Variants in JAZF1 observed in about 807,000 individuals in gnomAD.
JAZF1 encodes juxtaposed with another zinc finger protein 1.
In JAZF1, 8 loss-of-function variants were observed where a neutral mutation model predicts 26.4. The ratio of observed to expected loss-of-function variants is 0.30; its 90% CI spans 0.18 to 0.55. The LOEUF is 0.55. Ranked by LOEUF, JAZF1 falls within the 20% of genes least tolerant of loss-of-function variation. JAZF1 has a pLI of 0.94. For missense variants in JAZF1, 199 were observed against 322.0 expected (o/e 0.62, Z 2.92); for synonymous variants, 126 against 122.3 (o/e 1.03, Z -0.20).
intron 2 of JAZF1, among the ~76,000 whole-genome samples, chr7:27,935,954 T>G (rs1784758151): frequency 6.6e-6 from 1 of 152,170 alleles, no homozygotes; most frequent in Admixed American, 6.5e-5. Context: ...AGTGAGGTAC[T>G]TGGAGTGCCC....
chr7:28,032,799 C>T (rs1783213818), intron 1 of JAZF1, among the ~76,000 whole-genome samples: 1 of 152,106 alleles, frequency 6.6e-6, no homozygotes, highest in African/African-American at 2.4e-5. Flanking sequence ...AGGCCAGTGT[C>T]ATTACCACGT....
At chr7:28,018,167 C>G (rs1243249405) in intron 1 of JAZF1, among the ~76,000 whole-genome samples, 1 of 152,150 alleles carries the variant, frequency 6.6e-6, no homozygotes, top group Non-Finnish European at 1.5e-5. Flanking sequence ...AACGAGCCAG[C>G]GAGGCCAAGG....
At chr7:27,853,883 A>C (rs1241931330) in intron 3 of JAZF1, among the ~76,000 whole-genome samples, 1 of 152,248 alleles carries the variant, frequency 6.6e-6, no homozygotes, top group African/African-American at 2.4e-5. Context: ...GTAGATGTCT[A>C]TTAGGTCCAC....
chr7:28,154,877 T>C (rs1183421809), intron 1 of JAZF1, among the ~76,000 whole-genome samples: 1 of 151,242 alleles, frequency 6.6e-6, no homozygotes, highest in Non-Finnish European at 1.5e-5. Context: ...TGGCCTTTTC[T>C]CCTAAAAACA....
intron 2 of JAZF1, among the ~76,000 whole-genome samples, chr7:27,908,581 AC>A (rs1784303753): frequency 6.6e-6 from 1 of 152,196 alleles, no homozygotes; most frequent in Non-Finnish European, 1.5e-5. Context: ...AACTGAGCAG[AC>A]CAAACCAGAA....
At chr7:28,011,104 C>A (rs1386767804) in intron 1 of JAZF1, among the ~76,000 whole-genome samples, 1 of 152,026 alleles carries the variant, frequency 6.6e-6, no homozygotes, top group Non-Finnish European at 1.5e-5. Flanking sequence ...ATTGCCGCAA[C>A]CCAAGAAAAT....
intron 1 of JAZF1, among the ~76,000 whole-genome samples, chr7:28,066,588 G>C (rs1005108568): frequency 7.4e-6 from 1 of 135,278 alleles, no homozygotes; most frequent in South Asian, 2.4e-4. Flanking sequence ...GGGCGACAGA[G>C]CGAGACTCCA....
chr7:28,106,797 G>A (rs982074608), intron 1 of JAZF1, among the ~76,000 whole-genome samples: 1 of 152,142 alleles, frequency 6.6e-6, no homozygotes, highest in Non-Finnish European at 1.5e-5. Flanking sequence ...CACCCCGATA[G>A]GAAATACTGT....
intron 1 of JAZF1, among the ~76,000 whole-genome samples, chr7:27,995,804 T>C (rs1382922730): frequency 2.0e-5 from 3 of 152,184 alleles, no homozygotes; most frequent in Non-Finnish European, 2.9e-5. Context: ...TAGTAACTTA[T>C]GGTTTTACAG....
intron 1 of JAZF1, among the ~76,000 whole-genome samples, chr7:27,992,741 T>C (rs984484764): frequency 5.3e-5 from 8 of 152,202 alleles, no homozygotes; most frequent in African/African-American, 1.9e-4. Context: ...AATAAGGACA[T>C]ATAAGGAAGA....
chr7:28,173,431 A>G lies in JAZF1; in HGVS notation c.115+7032T>C, dbSNP rs147030962. Among the ~76,000 whole-genome samples, 1,127 of 152,350 alleles carry G rather than the reference A, an allele frequency of 7.4e-3. 4 individuals are homozygous for G. Among genetic ancestry groups the G allele is most frequent in the African/African-American group, 0.014 (576 of 41,580 alleles). On this transcript the variant is annotated intron_variant, in intron 1 of 4. Transcript: ENST00000283928. ...CATAAATATATACACACATATGGATATACGTACACACATATATGTGGTATG... is the reference window on the plus strand; with the variant it reads ...CATAAATATATACACACATATGGATGTACGTACACACATATATGTGGTATG...
chr7:27,969,658 T>C (rs912347217), intron 2 of JAZF1, among the ~76,000 whole-genome samples: 4 of 152,190 alleles, frequency 2.6e-5, no homozygotes, highest in African/African-American at 9.7e-5. Context: ...TATCTGCAAC[T>C]GGAGACAATG....
intron 2 of JAZF1, among the ~76,000 whole-genome samples, chr7:27,969,290 G>A (rs1377423690): frequency 6.6e-6 from 1 of 152,148 alleles, no homozygotes; most frequent in Non-Finnish European, 1.5e-5. Context: ...GTCTTGGCAT[G>A]CTGAATATCT....
intron 3 of JAZF1, among the ~76,000 whole-genome samples, chr7:27,888,309 T>C (rs1465059424): frequency 6.6e-6 from 1 of 152,212 alleles, no homozygotes; most frequent in East Asian, 1.9e-4. Context: ...AACAGAATAG[T>C]ATTTCTCTCT....
chr7:27,913,385 G>T, intron 2 of JAZF1: 1 of 460,382 alleles, frequency 2.2e-6, no homozygotes, highest in Non-Finnish European at 4.5e-6. Context: ...GAACCAGAAG[G>T]CCATACCTTT....
At chr7:28,133,588 G>C (rs1260267973) in intron 1 of JAZF1, among the ~76,000 whole-genome samples, 1 of 152,156 alleles carries the variant, frequency 6.6e-6, no homozygotes, top group Non-Finnish European at 1.5e-5. Flanking sequence ...AAAAAACCTA[G>C]AACCAGGCTT....
chr7:28,148,076 CT>C (rs896874846), intron 1 of JAZF1, among the ~76,000 whole-genome samples: 49 of 146,108 alleles, frequency 3.4e-4, no homozygotes, highest in Middle Eastern at 3.6e-3. Flanking sequence ...ATGTTTCTTA[CT>C]TTTTTTTTTT....
chr7:27,907,262 T>C (rs1784274928), intron 2 of JAZF1, among the ~76,000 whole-genome samples: 1 of 152,192 alleles, frequency 6.6e-6, no homozygotes, highest in Non-Finnish European at 1.5e-5. Context: ...ATTATCAACA[T>C]CTCATTGGAT....
intron 2 of JAZF1, among the ~76,000 whole-genome samples, chr7:27,984,696 G>C (rs999745411): frequency 6.6e-6 from 1 of 152,148 alleles, no homozygotes; most frequent in Non-Finnish European, 1.5e-5. Flanking sequence ...TGACCACATA[G>C]TTGGAAGTAA....
Sources: allele counts gnomAD v4.1 joint callset (sites outside exome capture counted in the v4.1 genomes callset), GRCh38; gene constraint gnomAD v4.1.1; transcripts MANE v1.5; gene names NCBI Gene and HGNC (gene_info 2026-07-23, HGNC 2026-07-21).